The following ACSS3 variants were observed in gnomAD, a reference collection of about 807,000 sequenced individuals.
The protein encoded by ACSS3 is acyl-CoA synthetase short-chain family member 3, mitochondrial.
In ACSS3, 64 loss-of-function variants were observed where a neutral mutation model predicts 84.2. That is an observed-to-expected ratio of 0.76 (90% CI 0.62 to 0.94). The LOEUF is 0.94. Among genes scored for constraint, ACSS3 ranks in the 40% least tolerant of loss-of-function variants. The pLI, the probability that ACSS3 is intolerant of heterozygous loss-of-function variation, is 0.00. For synonymous variants in ACSS3, 317 were observed against 310.1 expected, an observed-to-expected ratio of 1.02 and a Z score of -0.23; for missense variants, 815 against 867.6, an observed-to-expected ratio of 0.94 and a Z score of 0.76.
At chr12:81,185,815 A>G (rs576841251) in intron 8 of ACSS3, among the ~76,000 whole-genome samples, 2 of 151,934 alleles carry the variant, frequency 1.3e-5, no homozygotes, top group African/African-American at 4.8e-5. Flanking sequence ...TGCAATCCCT[A>G]TCAAAATCCC....
chr12:81,133,574 A>G (rs1319777873), intron 2 of ACSS3, among the ~76,000 whole-genome samples: 1 of 151,876 alleles, frequency 6.6e-6, no homozygotes, highest in African/African-American at 2.4e-5. Context: ...ACTTTTTTTC[A>G]ACTTCTACAT....
intron 8 of ACSS3, among the ~76,000 whole-genome samples, chr12:81,178,763 A>C (rs928297661): frequency 3.3e-5 from 5 of 152,210 alleles, no homozygotes; most frequent in Non-Finnish European, 1.5e-5. Flanking sequence ...TCAAGTTACC[A>C]ATGACACTTT....
chr12:81,253,182 T>A (rs1593246891), intron 13 of ACSS3, 125 bp from the exon 14 acceptor site: 3 of 1,025,850 alleles, frequency 2.9e-6, no homozygotes, highest in Non-Finnish European at 2.9e-6. Flanking sequence ...TTGTCTTACA[T>A]GCACTTTTTT....
At chr12:81,174,698 A>C (rs2030339598) in intron 7 of ACSS3, 90 bp from the exon 8 acceptor site, 4 of 1,304,382 alleles carry the variant, frequency 3.1e-6, no homozygotes, top group South Asian at 3.2e-5. Flanking sequence ...CCTTATTATT[A>C]ATATTGTTGT....
intron 10 of ACSS3, among the ~76,000 whole-genome samples, chr12:81,217,708 T>C (rs1464585948): frequency 6.6e-6 from 1 of 152,032 alleles, no homozygotes; most frequent in East Asian, 1.9e-4. Context: ...CCGGGTGTGG[T>C]GGTGTGCGCC....
intron 9 of ACSS3, among the ~76,000 whole-genome samples, chr12:81,208,589 G>T (rs1216895268): frequency 6.6e-6 from 1 of 151,968 alleles, no homozygotes; most frequent in Non-Finnish European, 1.5e-5. Flanking sequence ...TATTGCTTTG[G>T]GTTGGGATCA....
At chr12:81,117,162 T>G (rs2121525749) in intron 2 of ACSS3, among the ~76,000 whole-genome samples, 1 of 152,324 alleles carries the variant, frequency 6.6e-6, no homozygotes, top group South Asian at 2.1e-4. Context: ...TGCTTTGAAT[T>G]TATTTTCTTG....
intron 8 of ACSS3, among the ~76,000 whole-genome samples, chr12:81,183,537 A>T (rs192397936): frequency 6.6e-6 from 1 of 152,236 alleles, no homozygotes; most frequent in Admixed American, 6.5e-5. Context: ...TGGATTAAAC[A>T]AGATTCACTG....
At chr12:81,160,754 A>C (rs968383312) in intron 7 of ACSS3, among the ~76,000 whole-genome samples, 2 of 152,196 alleles carry the variant, frequency 1.3e-5, no homozygotes, top group Admixed American at 6.5e-5. Context: ...AAATATATTT[A>C]CTGAAGAAAA....
chr12:81,223,114 G>A (rs556340646), intron 11 of ACSS3, among the ~76,000 whole-genome samples: 2 of 152,036 alleles, frequency 1.3e-5, no homozygotes, highest in Non-Finnish European at 1.5e-5. Flanking sequence ...AACTGCAATT[G>A]CCTTTCTTCC....
At chr12:81,205,290 A>G (rs888072542) in intron 9 of ACSS3, among the ~76,000 whole-genome samples, 6 of 152,214 alleles carry the variant, frequency 3.9e-5, no homozygotes, top group Admixed American at 3.9e-4. Context: ...GCTGCTTGTT[A>G]TGATTTCTTA....
chr12:81,237,370 G>C (rs930339601), intron 13 of ACSS3, among the ~76,000 whole-genome samples: 2 of 151,544 alleles, frequency 1.3e-5, no homozygotes, highest in African/African-American at 2.4e-5. Flanking sequence ...GTCTCAGGAG[G>C]CTAGGGCTTT....
intron 1 of ACSS3, among the ~76,000 whole-genome samples, chr12:81,078,761 A>G (rs1880784369): frequency 6.6e-6 from 1 of 152,184 alleles, no homozygotes; most frequent in South Asian, 2.1e-4. Context: ...TAAGGGAGAT[A>G]CTAGGTAAAC....
chr12:81,080,457 A>G (rs1880898089), intron 1 of ACSS3, among the ~76,000 whole-genome samples: 6 of 151,968 alleles, frequency 3.9e-5, no homozygotes, highest in Admixed American at 3.9e-4. Flanking sequence ...CCGTATCTGA[A>G]TTCTTTATCT....
At chr12:81,171,713 G>T (rs942042172) in intron 7 of ACSS3, among the ~76,000 whole-genome samples, 2 of 152,132 alleles carry the variant, frequency 1.3e-5, no homozygotes, top group South Asian at 4.1e-4. Flanking sequence ...AAAGTATGAT[G>T]TAGTTTTTTT....
intron 11 of ACSS3, among the ~76,000 whole-genome samples, chr12:81,227,628 T>C (rs1325505176): frequency 1.3e-5 from 2 of 151,832 alleles, no homozygotes; most frequent in African/African-American, 4.8e-5. Context: ...GCATGAAGTG[T>C]CTTTCCTTCT....
At chr12:81,182,340 A>G (rs918931369) in intron 8 of ACSS3, among the ~76,000 whole-genome samples, 1 of 152,220 alleles carries the variant, frequency 6.6e-6, no homozygotes, top group Non-Finnish European at 1.5e-5. Flanking sequence ...AAAAATAAAC[A>G]AAAGCTGAAG....
chr12:81,241,466 T>A (rs943795425), intron 13 of ACSS3, among the ~76,000 whole-genome samples: 1 of 152,142 alleles, frequency 6.6e-6, no homozygotes, highest in Non-Finnish European at 1.5e-5. Flanking sequence ...TGTAAAAGTG[T>A]TCCTATTTCT....
At chr12:81,162,418 G>A (rs1157638992) in intron 7 of ACSS3, among the ~76,000 whole-genome samples, 3 of 152,172 alleles carry the variant, frequency 2.0e-5, no homozygotes, top group African/African-American at 7.2e-5. Flanking sequence ...ACTCCTATCT[G>A]CAGGCAAGCT....
Sources: allele counts gnomAD v4.1 joint callset (sites outside exome capture counted in the v4.1 genomes callset), GRCh38; gene constraint gnomAD v4.1.1; transcripts MANE v1.5; gene names NCBI Gene and HGNC (gene_info 2026-07-23, HGNC 2026-07-21).